The following GRIK1 variants were observed in gnomAD, a reference collection of about 807,000 sequenced individuals.
The protein encoded by GRIK1 is glutamate receptor ionotropic, kainate 1.
GRIK1 carries 69 observed loss-of-function variants against 105.7 expected under a neutral mutation model. The observed-to-expected ratio is 0.65, with a 90% confidence interval of 0.54 to 0.80. The LOEUF (loss-of-function observed/expected upper bound fraction) is 0.80. GRIK1 is among the 30% of genes least tolerant of loss of function. The probability of loss-of-function intolerance (pLI) is 0.00; values close to 1 mark genes in which losing one functional copy is unlikely to be tolerated. For missense variants in GRIK1, 1,109 were observed against 1,167.3 expected, an observed-to-expected ratio of 0.95 and a Z score of 0.73; for synonymous variants, 438 against 431.3, an observed-to-expected ratio of 1.02 and a Z score of -0.19.
intron 1 of GRIK1, among the ~76,000 whole-genome samples, chr21:29,788,740 A>G (rs464933): frequency 0.96 from 146,988 of 152,320 alleles, 71,144 homozygotes; most frequent in East Asian, 1. Flanking sequence ...GTCTCATCTG[A>G]GGGTGATGGG....
At chr21:29,725,187 A>G (rs2064426069) in intron 1 of GRIK1, among the ~76,000 whole-genome samples, 1 of 152,216 alleles carries the variant, frequency 6.6e-6, no homozygotes, top group Admixed American at 6.6e-5. Context: ...CATTTCAGTA[A>G]GAAATAACCA....
intron 1 of GRIK1, among the ~76,000 whole-genome samples, chr21:29,871,148 C>A (rs1296751015): frequency 6.6e-6 from 1 of 152,170 alleles, no homozygotes; most frequent in Non-Finnish European, 1.5e-5. Context: ...GACTTGCATT[C>A]TTTCTCTTCT....
chr21:29,830,940 G>T (rs536517366), intron 1 of GRIK1, among the ~76,000 whole-genome samples: 3 of 152,130 alleles, frequency 2.0e-5, no homozygotes, highest in Admixed American at 6.6e-5. Flanking sequence ...ACAAACAAAG[G>T]TCACCATAAT....
intron 1 of GRIK1, among the ~76,000 whole-genome samples, chr21:29,814,855 C>T (rs1339269230): frequency 6.6e-6 from 1 of 151,962 alleles, no homozygotes; most frequent in African/African-American, 2.4e-5. Context: ...TGTGTAGAGC[C>T]TAAGAGTGTA....
intron 1 of GRIK1, among the ~76,000 whole-genome samples, chr21:29,697,220 A>G (rs1197085089): frequency 6.6e-6 from 1 of 152,254 alleles, no homozygotes; most frequent in African/African-American, 2.4e-5. Flanking sequence ...GCAAATGAGA[A>G]AATGTAATCA....
Position 29,571,583 on chromosome 21 carries a change from C to A in GRIK1, c.2130+5381G>T, listed in dbSNP as rs148745389. Among the ~76,000 whole-genome samples the A allele has an allele frequency of 2.5e-4, 38 of 152,286 alleles. No homozygotes were observed. The East Asian group carries it at 6.6e-3, about 26-fold the overall frequency. The stretch of plus-strand genomic sequence containing the variant: ...TTTTGAATGAAATTTTAGCGAGCAA[C>A]TTCTGGGCACACATTTCAAGGACAA... On this transcript the variant is annotated intron_variant, in intron 14 of 17. Transcript: ENST00000327783.
intron 14 of GRIK1, among the ~76,000 whole-genome samples, chr21:29,570,905 A>G (rs904172627): frequency 1.3e-5 from 2 of 152,112 alleles, no homozygotes; most frequent in African/African-American, 4.8e-5. Context: ...AAGTTTCACA[A>G]GAATATGTGG....
intron 7 of GRIK1, among the ~76,000 whole-genome samples, chr21:29,633,374 C>A (rs776444193): frequency 1.3e-5 from 2 of 152,168 alleles, no homozygotes; most frequent in Non-Finnish European, 2.9e-5. Context: ...TGGCGCACGC[C>A]TGTAGTCCCA....
At position 29,587,576 on chromosome 21, in the gene GRIK1, G is replaced by A; in HGVS notation, c.1583C>T (p.Ala528Val). ...KELIDHRADL[A>V]VAPLTITYVR... Reference sequence around the variant, plus strand: ...GTAGGTGATGGTAAGAGGAGCCACTGCCAGGTCAGCCCTCTGCAAAAGCAA... The same window carrying A: ...GTAGGTGATGGTAAGAGGAGCCACTACCAGGTCAGCCCTCTGCAAAAGCAA... Residue 528 changes from alanine (A) to valine (V), a missense_variant, in exon 12 of 18, where the codon GCA (alanine) becomes GTA (valine). This residue lies in a region of GRIK1 where 54 missense variants were observed against 88.1 expected (regional missense o/e 0.61). Transcript: ENST00000327783. 6.2e-7 allele frequency: 1 copy of A among 1,608,664 alleles called. No individual in the cohort carries two copies. Among genetic ancestry groups the A allele is most frequent in the Non-Finnish European group, 8.5e-7 (1 of 1,175,378 alleles).
intron 15 of GRIK1, among the ~76,000 whole-genome samples, chr21:29,560,880 G>A (rs112225892): frequency 0.066 from 9,979 of 152,056 alleles, 638 homozygotes; most frequent in African/African-American, 0.16. Flanking sequence ...GATTACAGGC[G>A]TGAGCCATCG....
intron 1 of GRIK1, among the ~76,000 whole-genome samples, chr21:29,762,249 T>C (rs1449994952): frequency 6.6e-6 from 1 of 152,256 alleles, no homozygotes; most frequent in Non-Finnish European, 1.5e-5. Context: ...TCTGCATGTC[T>C]TTCCAGGAAG....
rs541515013 is a variant in GRIK1 at position 29,790,815 on chromosome 21, C to T, written c.119-96752G>A. On this transcript the variant is annotated intron_variant, in intron 1 of 17. Transcript: ENST00000327783. ...TTTGGTTGGTGCCCCTTTTCTAAAT[C>T]CTATTCCAGATTCTAGGATACCACA... 3.1e-4 allele frequency among the ~76,000 whole-genome samples: 47 copies of T among 152,286 alleles called. 1 individual carries two copies. The South Asian group carries it at 8.9e-3, about 29-fold the overall frequency.
chr21:29,813,742 G>T (rs888602728), intron 1 of GRIK1, among the ~76,000 whole-genome samples: 1 of 151,892 alleles, frequency 6.6e-6, no homozygotes, highest in Non-Finnish European at 1.5e-5. Context: ...TGTATGCCAG[G>T]TTTTTCCTCT....
At position 29,907,670 on chromosome 21, in the gene GRIK1, T is replaced by C. The variant is rs184591782; in HGVS notation, c.118+31713A>G. Among the ~76,000 whole-genome samples, 3 of 152,182 alleles carry C rather than the reference T, an allele frequency of 2.0e-5. No individual in the cohort carries two copies. The East Asian group carries it at 5.8e-4, about 29-fold the overall frequency. On this transcript the variant is annotated intron_variant, in intron 1 of 17. Coordinates refer to ENST00000327783, the MANE Select transcript of GRIK1 (RefSeq NM_001330994.2). ...AAAAGGCATTCTATATGAATGAAAA[T>C]AAGAGCTAAACCTGACAAAAACAGA...
At chr21:29,608,937 T>A (rs1695638091) in intron 7 of GRIK1, among the ~76,000 whole-genome samples, 1 of 152,002 alleles carries the variant, frequency 6.6e-6, no homozygotes, top group Non-Finnish European at 1.5e-5. Flanking sequence ...CAGGTGTTGA[T>A]CCAACATCCA....
At chr21:29,743,195 T>C (rs77540023) in intron 1 of GRIK1, among the ~76,000 whole-genome samples, 2,093 of 152,256 alleles carry the variant, frequency 0.014, 54 homozygotes, top group African/African-American at 0.048. Flanking sequence ...TGTGGCAGAA[T>C]GGTGTCAAGT....
At position 29,791,624 on chromosome 21, in the gene GRIK1, T is replaced by G. The variant is rs557606541; in HGVS notation, c.119-97561A>C. ...CAAGACTTTTACTGGATTCTCAGCC[T>G]TGGCAAAGAAGGAAAATTTATTCTT... On this transcript the variant is annotated intron_variant, in intron 1 of 17. Transcript: ENST00000327783. Among the ~76,000 whole-genome samples the G allele has an allele frequency of 1.8e-3, 281 of 152,284 alleles. 1 individual carries two copies. Among genetic ancestry groups the G allele is most frequent in the African/African-American group, 6.2e-3 (259 of 41,556 alleles).
At chr21:29,929,662 A>G (rs2071499869) in intron 1 of GRIK1, among the ~76,000 whole-genome samples, 1 of 152,230 alleles carries the variant, frequency 6.6e-6, no homozygotes, top group African/African-American at 2.4e-5. Context: ...AGAAAAGAAA[A>G]TTAACAAATG....
intron 1 of GRIK1, among the ~76,000 whole-genome samples, chr21:29,784,647 ATG>A (rs992911632): frequency 4.6e-5 from 7 of 152,214 alleles, no homozygotes; most frequent in Admixed American, 2.0e-4. Context: ...TTAATAAAAG[ATG>A]TGTTTACAGA....
Sources: gnomAD v4.1 joint callset for allele counts (sites outside exome capture counted in the v4.1 genomes callset) on GRCh38, gnomAD v4.1.1 for gene constraint, gnomAD v4.1.1 regional missense constraint, MANE v1.5 for transcripts, NCBI Gene and HGNC (gene_info 2026-07-23, HGNC 2026-07-21) for gene names.